Variants in FECH observed in about 807,000 individuals in gnomAD.
FECH encodes ferrochelatase, mitochondrial.
In FECH, 40 loss-of-function variants were observed where a neutral mutation model predicts 56.9. That is an observed-to-expected ratio of 0.70 (90% CI 0.55 to 0.92). FECH has a LOEUF of 0.92. Among genes scored for constraint, FECH ranks in the 40% least tolerant of loss-of-function variants. The pLI is 0.00. For synonymous variants in FECH, 175 were observed against 198.6 expected (o/e 0.88, Z 1.00); for missense variants, 431 against 529.1 (o/e 0.81, Z 1.82).
In FECH at chr18:57,545,300, G is replaced by A. The variant is rs2050705801; in HGVS notation, c.*5412C>T. ...ACATCCATCTTAATGGCCTACTGTA[G>A]CCTAATTTAGCCAATAGCTGTTATT... On this transcript the variant is annotated 3_prime_UTR_variant, in exon 11 of 11. Coordinates refer to ENST00000262093, the MANE Select transcript of FECH (RefSeq NM_000140.5). Among the ~76,000 whole-genome samples, 1 of 152,132 alleles carries A rather than the reference G, an allele frequency of 6.6e-6. No homozygotes were observed. The highest frequency in any genetic ancestry group is 2.4e-5 in the African/African-American group (1 of 41,410).
At chr18:57,560,510 G>A (rs938328887) in intron 6 of FECH, among the ~76,000 whole-genome samples, 5 of 152,190 alleles carry the variant, frequency 3.3e-5, no homozygotes, top group African/African-American at 1.2e-4. Context: ...AATTAGCAGG[G>A]TGTGATGGCA....
chr18:57,549,551 C>T lies in FECH; in HGVS notation c.*1161G>A, dbSNP rs1335379270. 6.8e-6 allele frequency: 1 copy of T among 146,730 alleles called. No homozygotes were observed. Among genetic ancestry groups the T allele is most frequent in the Non-Finnish European group, 1.5e-5 (1 of 65,822 alleles). 9.1% of individuals were successfully genotyped at this position (146,730 alleles called of 1,614,324 possible). Reference sequence around the variant, plus strand: ...ATCTTTTAATCCATTTAAATACAAACATAGAAGATCAGACTCTGATCTGAC... The same window carrying T: ...ATCTTTTAATCCATTTAAATACAAATATAGAAGATCAGACTCTGATCTGAC... On this transcript the variant is annotated 3_prime_UTR_variant, in exon 11 of 11. Transcript: ENST00000262093.
In FECH at chr18:57,547,389, C is replaced by A. The variant is rs2050733510; in HGVS notation, c.*3323G>T. Among the ~76,000 whole-genome samples the A allele has an allele frequency of 6.6e-6, 1 of 152,096 alleles. No homozygotes were observed. The highest frequency in any genetic ancestry group is 6.5e-5 in the Admixed American group (1 of 15,276). ...TAATCCCCACGTGTTGAGGGAGGGA[C>A]CTGGTGGAAGGAGATTGGAACATGG... On this transcript the variant is annotated 3_prime_UTR_variant, in exon 11 of 11. Transcript: ENST00000262093.
chr18:57,554,380 G>C lies in FECH; in HGVS notation c.957C>G (p.Ile319Met), dbSNP rs1453305271. ...TCCTCCCCCTCTCACAAAGCCCTTT[G>C]ATAGATTCGTCTGTTTGAGGACCCA... ...PWLGPQTDES[I>M]KGLCERGRKN... The change falls in exon 9 of 11, where the codon ATC (isoleucine) becomes ATG (methionine). Residue 319 changes from isoleucine (I) to methionine (M), a missense_variant. Transcript: ENST00000262093. 1 of 1,614,196 alleles carries C rather than the reference G, an allele frequency of 6.2e-7. No individual in the cohort carries two copies. Among genetic ancestry groups the C allele is most frequent in the African/African-American group, 1.3e-5 (1 of 75,052 alleles).
At chr18:57,579,289 A>ATATGTGTGTG (rs1555681607) in intron 2 of FECH, among the ~76,000 whole-genome samples, 9 of 141,998 alleles carry the variant, frequency 6.3e-5, no homozygotes, top group African/African-American at 2.1e-4. Flanking sequence ...GTGTGTATAT[A>ATATGTGTGTG]TGTGTGTGTG....
chr18:57,559,745 A>T (rs1436473066), intron 6 of FECH, among the ~76,000 whole-genome samples: 1 of 152,232 alleles, frequency 6.6e-6, no homozygotes, highest in Non-Finnish European at 1.5e-5. Flanking sequence ...TCTGAGCCTC[A>T]TATCCCCATC....
Position 57,546,517 on chromosome 18 carries a change from C to G in FECH, c.*4195G>C, listed in dbSNP as rs796257123. On this transcript the variant is annotated 3_prime_UTR_variant, in exon 11 of 11. Coordinates refer to ENST00000262093, the MANE Select transcript of FECH (RefSeq NM_000140.5). Reference sequence around the variant, plus strand: ...ATACTTTGGATAAGCACAATGGCATCACATTGAGCAAAGGATCTCTTTTAC... The same window carrying G: ...ATACTTTGGATAAGCACAATGGCATGACATTGAGCAAAGGATCTCTTTTAC... Among the ~76,000 whole-genome samples, 3 of 152,304 alleles carry G rather than the reference C, an allele frequency of 2.0e-5. No individual in the cohort carries two copies. The highest frequency in any genetic ancestry group is 7.2e-5 in the African/African-American group (3 of 41,560).
intron 4 of FECH, among the ~76,000 whole-genome samples, chr18:57,569,471 A>G (rs1421568701): frequency 1.3e-5 from 2 of 152,256 alleles, no homozygotes; most frequent in Non-Finnish European, 2.9e-5. Flanking sequence ...ATCAATAGAC[A>G]TAGTTCAAAA....
intron 9 of FECH, among the ~76,000 whole-genome samples, 167 bp from the exon 10 acceptor site, chr18:57,551,541 C>G (rs978642502): frequency 5.9e-5 from 9 of 152,156 alleles, no homozygotes; most frequent in African/African-American, 2.2e-4. Context: ...ACTCATGGGG[C>G]AGGGCTGTAT....
At chr18:57,585,860 T>C (rs1308993811) in intron 1 of FECH, 1 of 152,232 alleles carries the variant, frequency 6.6e-6, no homozygotes, top group Admixed American at 6.5e-5. Context: ...CAATGTACAT[T>C]TACCAAAGCT....
At chr18:57,555,396 C>G (rs112065543) in intron 7 of FECH, among the ~76,000 whole-genome samples, 86 of 152,204 alleles carry the variant, frequency 5.7e-4, no homozygotes, top group African/African-American at 2.0e-3. Context: ...TATGGTAAAC[C>G]CTGGTGGAAT....
intron 1 of FECH, among the ~76,000 whole-genome samples, chr18:57,583,750 C>T (rs913867994): frequency 2.0e-5 from 3 of 149,820 alleles, no homozygotes; most frequent in Admixed American, 6.6e-5. Context: ...TGCTTGGGCC[C>T]AGGAGTTTGA....
chr18:57,568,170 G>A (rs1043262902), intron 4 of FECH, among the ~76,000 whole-genome samples: 5 of 152,130 alleles, frequency 3.3e-5, no homozygotes, highest in African/African-American at 7.2e-5. Context: ...GAAACAATAC[G>A]ATGATCAGAA....
chr18:57,579,289 A>ATGTG (rs71171043), intron 2 of FECH, among the ~76,000 whole-genome samples: 176 of 141,998 alleles, frequency 1.2e-3, no homozygotes, highest in African/African-American at 3.4e-3. Flanking sequence ...GTGTGTATAT[A>ATGTG]TGTGTGTGTG....
At chr18:57,573,456 T>A in intron 2 of FECH, 91 bp from the exon 3 acceptor site, 1 of 1,457,488 alleles carries the variant, frequency 6.9e-7, no homozygotes, top group Non-Finnish European at 9.6e-7. Context: ...CTCTAATCTG[T>A]TCCATACAAA....
At chr18:57,553,395 C>T (rs2050824694) in intron 9 of FECH, among the ~76,000 whole-genome samples, 1 of 152,126 alleles carries the variant, frequency 6.6e-6, no homozygotes, top group Admixed American at 6.6e-5. Flanking sequence ...CACTCTCTAC[C>T]CTGCCCTACA....
At chr18:57,559,646 G>A (rs1355342159) in intron 6 of FECH, among the ~76,000 whole-genome samples, 2 of 152,196 alleles carry the variant, frequency 1.3e-5, no homozygotes, top group Non-Finnish European at 2.9e-5. Flanking sequence ...AGCCTCCTTA[G>A]TTTGGCTTTC....
chr18:57,579,533 C>T (rs1295420687), intron 2 of FECH, among the ~76,000 whole-genome samples: 1 of 151,986 alleles, frequency 6.6e-6, no homozygotes, highest in African/African-American at 2.4e-5. Context: ...TAAAGAGGAC[C>T]CTTGCAACAA....
intron 4 of FECH, among the ~76,000 whole-genome samples, chr18:57,569,993 C>T (rs949293667): frequency 6.7e-6 from 1 of 148,242 alleles, no homozygotes; most frequent in Non-Finnish European, 1.5e-5. Flanking sequence ...GCCACCATGT[C>T]TGACTAGTTG....
Sources: gnomAD v4.1 joint callset for allele counts (sites outside exome capture counted in the v4.1 genomes callset) on GRCh38, gnomAD v4.1.1 for gene constraint, MANE v1.5 for transcripts, NCBI Gene and HGNC (gene_info 2026-07-23, HGNC 2026-07-21) for gene names.